The following ERC1 variants were observed in gnomAD, a reference collection of about 807,000 sequenced individuals.
ERC1 encodes the protein RAB6 interacting protein 2.
ERC1 carries 56 observed loss-of-function variants against 132.0 expected under a neutral mutation model. That is an observed-to-expected ratio of 0.42 (90% confidence interval 0.34 to 0.53). ERC1 has a LOEUF of 0.53. Ranked by LOEUF, ERC1 falls within the 20% of genes least tolerant of loss-of-function variation. The probability of loss-of-function intolerance (pLI) is 0.03; values close to 1 mark genes in which losing one functional copy is unlikely to be tolerated. For synonymous variants in ERC1, 478 were observed against 476.1 expected (o/e 1.00, Z -0.05); for missense variants, 1,202 against 1,349.9 (o/e 0.89, Z 1.72).
In ERC1 at chr12:1,099,959, T is replaced by G. The variant is rs1028291608; in HGVS notation, c.1087-4791T>G. On this transcript the variant is annotated intron_variant, in intron 3 of 18. Transcript: ENST00000360905. ...ACCTCCTGGGTTCAAGCCATTCTCC[T>G]GCCTCAGCCTCCCCAGTAGCTGGGA... Among the ~76,000 whole-genome samples, 3 of 147,486 alleles carry G rather than the reference T, an allele frequency of 2.0e-5. No homozygotes were observed. The Admixed American group carries it at 2.1e-4, about 10-fold the overall frequency.
intron 17 of ERC1, among the ~76,000 whole-genome samples, chr12:1,433,709 G>A (rs16928426): frequency 0.06 from 9,071 of 152,260 alleles, 396 homozygotes; most frequent in African/African-American, 0.11. Flanking sequence ...GAATGGTCCA[G>A]CAAAGGCTAT....
intron 15 of ERC1, among the ~76,000 whole-genome samples, chr12:1,294,808 GT>G (rs1022669665): frequency 6.6e-6 from 1 of 152,002 alleles, no homozygotes; most frequent in Non-Finnish European, 1.5e-5. Context: ...GATTTTTGAT[GT>G]TTTTTGTTTT....
At position 1,482,636 on chromosome 12, in the gene ERC1, G is replaced by A. The variant is rs909291206; in HGVS notation, c.3214-7457G>A. Among the ~76,000 whole-genome samples the A allele has an allele frequency of 1.8e-4, 27 of 151,848 alleles. 1 individual carries two copies. Among genetic ancestry groups the A allele is most frequent in the African/African-American group, 5.1e-4 (21 of 41,318 alleles). The stretch of plus-strand genomic sequence containing the variant: ...TAATTTTTTTGTATTTTTGATAGAC[G>A]GGGTTTCACCATGTTGGGTAGGCTG... On this transcript the variant is annotated intron_variant, in intron 18 of 18. Transcript: ENST00000360905.
In ERC1 at chr12:1,083,287, G is replaced by A. The variant is rs776593808; in HGVS notation, c.793G>A (p.Glu265Lys). The change falls in exon 3 of 19, where the codon GAG (glutamate) becomes AAG (lysine). Residue 265 changes from glutamate to lysine, a missense_variant. By Grantham distance (56) the Glu-to-Lys change is moderately conservative (BLOSUM62 1). Transcript: ENST00000360905. ...ACCTTGTGTAGCAGAGCTGACAGAG[G>A]AGAACTTTCAGAGGCTTCATGCTGA... Reference protein sequence around the residue: ...GEPCVAELTEENFQRLHAEHE... With the variant: ...GEPCVAELTEKNFQRLHAEHE... 4 of 1,614,076 alleles carry A rather than the reference G, an allele frequency of 2.5e-6. No individual in the cohort carries two copies.
At chr12:1,411,013 G>C (rs2091814872) in intron 17 of ERC1, among the ~76,000 whole-genome samples, 1 of 152,074 alleles carries the variant, frequency 6.6e-6, no homozygotes, top group South Asian at 2.1e-4. Context: ...TGGGGCTTTG[G>C]CATTACCCTC....
rs1565813690 is a variant in ERC1, at chr12:1,028,235, C to T, written c.332C>T (p.Pro111Leu). Residue 111 changes from proline (P) to leucine (L), a missense_variant, in exon 2 of 19, where the codon CCC becomes CTC. Coordinates refer to ENST00000360905, the MANE Select transcript of ERC1 (RefSeq NM_178040.4). ...GVRMTAMGSS[P>L]NIASSGVASD... Reference sequence around the variant, plus strand: ...CGGATGACTGCTATGGGTAGTAGCCCCAATATAGCTAGCAGTGGGGTTGCT... The same window carrying T: ...CGGATGACTGCTATGGGTAGTAGCCTCAATATAGCTAGCAGTGGGGTTGCT... 2 of 1,614,058 alleles carry T rather than the reference C, an allele frequency of 1.2e-6. No individual in the cohort carries two copies. Among genetic ancestry groups the T allele is most frequent in the Admixed American group, 1.7e-5 (1 of 60,012 alleles).
intron 1 of ERC1, among the ~76,000 whole-genome samples, chr12:1,006,241 A>G (rs1434486485): frequency 6.6e-5 from 10 of 151,976 alleles, no homozygotes; most frequent in Non-Finnish European, 1.3e-4. Flanking sequence ...ACAGGCATGA[A>G]CCACTGCACC....
intron 15 of ERC1, among the ~76,000 whole-genome samples, chr12:1,332,769 A>G (rs987337558): frequency 6.6e-6 from 1 of 152,170 alleles, no homozygotes; most frequent in Non-Finnish European, 1.5e-5. Context: ...AGATCATTTC[A>G]GGTTTCTCTG....
chr12:1,455,778 A>G (rs968129498), intron 18 of ERC1, among the ~76,000 whole-genome samples: 1 of 152,226 alleles, frequency 6.6e-6, no homozygotes, highest in African/African-American at 2.4e-5. Flanking sequence ...CAAAATTTCA[A>G]ACTTTTTCAT....
chr12:1,071,057 CTCCATTG>C (rs1399606396), intron 2 of ERC1, among the ~76,000 whole-genome samples: 3 of 152,194 alleles, frequency 2.0e-5, no homozygotes, highest in African/African-American at 7.2e-5. Flanking sequence ...CTGAGTAACA[CTCCATTG>C]TGTGAATGTG....
intron 12 of ERC1, among the ~76,000 whole-genome samples, chr12:1,233,639 A>G (rs2075217439): frequency 6.6e-6 from 1 of 152,174 alleles, no homozygotes; most frequent in Admixed American, 6.5e-5. Context: ...CAAAACAAAC[A>G]AAAAGCAAGA....
At chr12:1,451,605 G>A (rs1235625073) in intron 18 of ERC1, among the ~76,000 whole-genome samples, 1 of 152,106 alleles carries the variant, frequency 6.6e-6, no homozygotes, top group African/African-American at 2.4e-5. Context: ...AACCTGGGCT[G>A]CAGAATGAGA....
chr12:1,367,764 T>C (rs2086799192), intron 15 of ERC1, among the ~76,000 whole-genome samples: 1 of 152,038 alleles, frequency 6.6e-6, no homozygotes, highest in Admixed American at 6.6e-5. Context: ...CTATTAGAAT[T>C]TGCAGGTCAA....
At chr12:1,104,933 T>C (rs1178737607) in intron 4 of ERC1, 109 bp downstream of exon 4, 3 of 672,030 alleles carry the variant, frequency 4.5e-6, no homozygotes, top group African/African-American at 1.8e-5. Context: ...ATTTCACTTA[T>C]TTGGAGATTA....
chr12:1,092,606 G>A (rs73037064), intron 3 of ERC1, among the ~76,000 whole-genome samples: 2,638 of 152,248 alleles, frequency 0.017, 39 homozygotes, highest in Middle Eastern at 0.051. Context: ...GTTTATGATG[G>A]TATGTGATTA....
At chr12:1,290,627 C>T (rs1001860341) in intron 15 of ERC1, among the ~76,000 whole-genome samples, 1 of 152,092 alleles carries the variant, frequency 6.6e-6, no homozygotes. Flanking sequence ...TTCTCAGTGA[C>T]CTTCTGTTTA....
chr12:1,304,848 GGC>G (rs2080734004), intron 15 of ERC1, among the ~76,000 whole-genome samples: 1 of 131,344 alleles, frequency 7.6e-6, no homozygotes, highest in South Asian at 2.5e-4. Flanking sequence ...GGAGTACAGT[GGC>G]GTGATCTCGG....
intron 17 of ERC1, among the ~76,000 whole-genome samples, chr12:1,440,505 CTTT>C (rs75192034): frequency 1.6e-5 from 2 of 126,176 alleles, no homozygotes; most frequent in African/African-American, 3.1e-5. Context: ...CGCGCCCGGC[CTTT>C]TTTTTTTTTT....
At chr12:1,212,312 C>A (rs1957952474) in intron 12 of ERC1, among the ~76,000 whole-genome samples, 1 of 152,024 alleles carries the variant, frequency 6.6e-6, no homozygotes, top group Non-Finnish European at 1.5e-5. Context: ...GTTCGTAGTT[C>A]TTCTCTGCCT....
Sources: allele counts gnomAD v4.1 joint callset (sites outside exome capture counted in the v4.1 genomes callset), GRCh38; gene constraint gnomAD v4.1.1; transcripts MANE v1.5; gene names NCBI Gene and HGNC (gene_info 2026-07-23, HGNC 2026-07-21).